The following GALNT2 variants were observed in gnomAD, a reference collection of about 807,000 sequenced individuals.
GALNT2 encodes polypeptide N-acetylgalactosaminyltransferase 2.
GALNT2 carries 31 observed loss-of-function variants against 81.4 expected under a neutral mutation model. The observed-to-expected ratio is 0.38, with a 90% CI of 0.29 to 0.51. GALNT2 has a LOEUF of 0.51. Among genes scored for constraint, GALNT2 ranks in the 20% least tolerant of loss-of-function variants. The pLI is 0.87. For synonymous variants in GALNT2, 303 were observed against 287.4 expected, an observed-to-expected ratio of 1.05 and a Z score of -0.55; for missense variants, 629 against 765.7, an observed-to-expected ratio of 0.82 and a Z score of 2.11.
Position 230,203,116 on chromosome 1 carries a change from CCTCTG to C in GALNT2, c.221-11_221-7del. The C allele has an allele frequency of 1.2e-6, 2 of 1,610,288 alleles. No homozygotes were observed. Among genetic ancestry groups the C allele is most frequent in the Non-Finnish European group, 1.7e-6 (2 of 1,177,182 alleles). On this transcript the variant is annotated splice_polypyrimidine_tract_variant and intron_variant, in intron 2 of 15. Coordinates refer to ENST00000366672, the MANE Select transcript of GALNT2 (RefSeq NM_004481.5). ...TGGTCACATTTTCCCTCATCCCTAC[CCTCTG>C]CTCTGCTCTTTTTAGGGAAAGTACG...
intron 1 of GALNT2, among the ~76,000 whole-genome samples, chr1:230,133,182 G>A (rs1269344010): frequency 1.3e-5 from 2 of 152,160 alleles, no homozygotes; most frequent in Admixed American, 6.5e-5. Flanking sequence ...TGTAACTTAT[G>A]ATGAACCTTT....
chr1:230,205,527 C>T (rs1161263012), intron 3 of GALNT2, among the ~76,000 whole-genome samples: 1 of 152,176 alleles, frequency 6.6e-6, no homozygotes, highest in Non-Finnish European at 1.5e-5. Context: ...AAAGCCAGCT[C>T]TACTCAGTCC....
Position 230,236,452 on chromosome 1 carries a change from C to T in GALNT2, c.541+32C>T. On this transcript the variant is annotated intron_variant, in intron 5 of 15. Coordinates refer to ENST00000366672, the MANE Select transcript of GALNT2 (RefSeq NM_004481.5). Reference sequence around the variant, plus strand: ...ACTGACACTGATTTTATCCCTGTGTCTGGCTCTTCTCTGGGCACCAGTCTT... The same window carrying T: ...ACTGACACTGATTTTATCCCTGTGTTTGGCTCTTCTCTGGGCACCAGTCTT... The T allele has an allele frequency of 2.5e-6, 4 of 1,604,250 alleles. No individual in the cohort carries two copies. In the South Asian group the frequency reaches 4.4e-5, roughly 18 times the overall value.
intron 1 of GALNT2, among the ~76,000 whole-genome samples, chr1:230,174,668 G>A (rs621328): frequency 0.19 from 28,263 of 151,778 alleles, 2,941 homozygotes; most frequent in East Asian, 0.38. Flanking sequence ...CTGTCCCTCC[G>A]GGACCTGGAC....
intron 1 of GALNT2, among the ~76,000 whole-genome samples, chr1:230,109,261 A>G (rs1660632736): frequency 6.6e-6 from 1 of 152,132 alleles, no homozygotes; most frequent in South Asian, 2.1e-4. Flanking sequence ...GAGCGGGTGC[A>G]GGGAGGTGCG....
At chr1:230,227,887 A>G (rs1445886953) in intron 3 of GALNT2, among the ~76,000 whole-genome samples, 1 of 152,224 alleles carries the variant, frequency 6.6e-6, no homozygotes, top group East Asian at 1.9e-4. Context: ...AATCACTGCC[A>G]TCTTAAGAAT....
chr1:230,103,121 TCCTAGG>T (rs1412770143), intron 1 of GALNT2, among the ~76,000 whole-genome samples: 3 of 152,200 alleles, frequency 2.0e-5, no homozygotes, highest in Non-Finnish European at 4.4e-5. Context: ...CTCTGTTACC[TCCTAGG>T]TGAGGCAGTC....
intron 1 of GALNT2, among the ~76,000 whole-genome samples, chr1:230,138,389 G>A (rs952731585): frequency 6.6e-6 from 1 of 152,106 alleles, no homozygotes; most frequent in Admixed American, 6.5e-5. Context: ...GCCAGGCATG[G>A]TGGTGCGTGC....
At chr1:230,212,923 A>G (rs1218050988) in intron 3 of GALNT2, among the ~76,000 whole-genome samples, 1 of 151,974 alleles carries the variant, frequency 6.6e-6, no homozygotes, top group Non-Finnish European at 1.5e-5. Flanking sequence ...AGTAGACTGT[A>G]TTGATTTGAC....
At chr1:230,259,917 G>A (rs543961069) in intron 11 of GALNT2, among the ~76,000 whole-genome samples, 45 of 152,342 alleles carry the variant, frequency 3.0e-4, no homozygotes, top group African/African-American at 9.1e-4. Context: ...TGGGGAAAGG[G>A]CTGTTACCAT....
intron 14 of GALNT2, among the ~76,000 whole-genome samples, chr1:230,269,032 G>C (rs1001194381): frequency 2.0e-5 from 3 of 152,044 alleles, no homozygotes; most frequent in Non-Finnish European, 4.4e-5. Context: ...AGCCATTACT[G>C]TTCTCACATG....
intron 1 of GALNT2, among the ~76,000 whole-genome samples, chr1:230,116,190 A>G (rs2102795530): frequency 6.6e-6 from 1 of 152,320 alleles, no homozygotes; most frequent in South Asian, 2.1e-4. Flanking sequence ...CCAGATCTAT[A>G]AGAGGAGTCA....
intron 1 of GALNT2, among the ~76,000 whole-genome samples, chr1:230,126,057 C>A (rs1299562827): frequency 2.0e-5 from 3 of 152,224 alleles, no homozygotes; most frequent in African/African-American, 7.2e-5. Context: ...TGGGCTACAG[C>A]CAAAGAGGAG....
At chr1:230,111,070 A>T (rs553909703) in intron 1 of GALNT2, among the ~76,000 whole-genome samples, 1 of 152,208 alleles carries the variant, frequency 6.6e-6, no homozygotes, top group African/African-American at 2.4e-5. Flanking sequence ...GTGTACATAC[A>T]TATGTACACA....
rs553970979 is a variant in GALNT2, at chr1:230,243,158, T to C, written c.608-148T>C. ...CAATAGTCTGTCTCATGGAGCAGTT[T>C]TGATCTCATCCAGCAAGTTTACAGT... On this transcript the variant is annotated intron_variant, in intron 6 of 15. Transcript: ENST00000366672. This position sits in a 1 kb window ranked among gnomAD's most constrained non-coding sequence, Gnocchi z 4.2. The C allele has an allele frequency of 9.1e-5, 91 of 997,896 alleles. 1 individual carries two copies. In the South Asian group the frequency reaches 1.7e-3, roughly 19 times the overall value. The allele number at this position is 997,896 out of a possible 1,614,324, so 61.8% of individuals were successfully genotyped here.
chr1:230,099,842 T>A (rs1371917823), intron 1 of GALNT2, among the ~76,000 whole-genome samples: 1 of 152,212 alleles, frequency 6.6e-6, no homozygotes, highest in African/African-American at 2.4e-5. Context: ...CTTGTCCCCA[T>A]GTCTGCAGTG....
rs757244665 is a variant in GALNT2 at position 230,274,594 on chromosome 1, G to T, written c.1560+30G>T. On this transcript the variant is annotated intron_variant, in intron 15 of 15. Transcript: ENST00000366672. ...GGCTTGCAGGCACCCGTGGGTGCCC[G>T]TGATTAACCCAGACCAGGGTAGCCA... The T allele has an allele frequency of 3.7e-6, 6 of 1,612,508 alleles. No individual in the cohort carries two copies. In the Admixed American group the frequency reaches 1.0e-4, roughly 27 times the overall value.
intron 1 of GALNT2, among the ~76,000 whole-genome samples, chr1:230,169,637 G>T (rs1472204644): frequency 1.5e-4 from 22 of 148,334 alleles, no homozygotes; most frequent in Non-Finnish European, 3.0e-5. Context: ...AAATGGTTGA[G>T]AATTAATAAT....
chr1:230,060,737 A>T (rs760345478), intron 1 of GALNT2, among the ~76,000 whole-genome samples: 2 of 152,154 alleles, frequency 1.3e-5, no homozygotes, highest in Non-Finnish European at 2.9e-5. Context: ...AATGTCTATC[A>T]GTTGGCATTC....
Sources: allele counts gnomAD v4.1 joint callset (sites outside exome capture counted in the v4.1 genomes callset), GRCh38; gene constraint gnomAD v4.1.1; non-coding constraint Gnocchi (gnomAD v3.1); transcripts MANE v1.5; gene names NCBI Gene and HGNC (gene_info 2026-07-23, HGNC 2026-07-21).